Variants in PLCG2 observed in about 807,000 individuals in gnomAD.
PLCG2 encodes the protein phospholipase C gamma 2.
A neutral mutation model predicts 175.6 loss-of-function variants in PLCG2; 69 were observed. That is an observed-to-expected ratio of 0.39 (90% CI 0.32 to 0.48). The LOEUF (loss-of-function observed/expected upper bound fraction) is 0.48, where lower values mean the gene tolerates loss of function less well. Ranked by LOEUF, PLCG2 falls within the 20% of genes least tolerant of loss-of-function variation. The pLI is 0.91. For missense variants in PLCG2, 1,798 were observed against 1,650.9 expected (o/e 1.09, Z -1.54); for synonymous variants, 827 against 624.0 (o/e 1.33, Z -4.85).
rs146806571 is a variant in PLCG2, at chr16:81,806,615, C to T, written c.193+20433C>T. On this transcript the variant is annotated intron_variant, in intron 2 of 32. Coordinates refer to ENST00000564138, the MANE Select transcript of PLCG2 (RefSeq NM_002661.5). ...ACATGATCATAGGATAGCCTGCAGA[C>T]ATGTGATTCGTGTCTTGTAAGTTGT... 8.3e-4 allele frequency among the ~76,000 whole-genome samples: 126 copies of T among 152,008 alleles called. 1 individual carries two copies. The highest frequency in any genetic ancestry group is 2.8e-3 in the African/African-American group (117 of 41,452).
At chr16:81,884,656 A>G (rs988144074) in intron 9 of PLCG2, among the ~76,000 whole-genome samples, 2 of 150,982 alleles carry the variant, frequency 1.3e-5, no homozygotes, top group East Asian at 1.9e-4. Flanking sequence ...TAAATCTCAA[A>G]TTTTTGTTTA....
At chr16:81,763,688 C>G (rs746253808) in intron 2 of PLCG2, among the ~76,000 whole-genome samples, 1 of 152,138 alleles carries the variant, frequency 6.6e-6, no homozygotes, top group East Asian at 1.9e-4. Flanking sequence ...CAAAGGGGGC[C>G]GGGTGTGGTG....
At position 81,946,377 on chromosome 16, in the gene PLCG2, C is replaced by G. The variant is rs965664465; in HGVS notation, c.3570+114C>G. On this transcript the variant is annotated intron_variant, in intron 31 of 32. Coordinates refer to ENST00000564138, the MANE Select transcript of PLCG2 (RefSeq NM_002661.5). Reference sequence around the variant, plus strand: ...CTTAAGCCCATTCAGAATTGTCTAGCCCAAGCATGAGACATCATACAAGAA... The same window carrying G: ...CTTAAGCCCATTCAGAATTGTCTAGGCCAAGCATGAGACATCATACAAGAA... 2.8e-5 allele frequency: 21 copies of G among 755,930 alleles called. No individual in the cohort carries two copies. The Admixed American group carries it at 4.0e-4, about 14-fold the overall frequency. 46.8% of individuals were successfully genotyped at this position (755,930 alleles called of 1,614,324 possible).
chr16:81,766,057 C>T (rs180956452), intron 2 of PLCG2, among the ~76,000 whole-genome samples: 60 of 152,274 alleles, frequency 3.9e-4, no homozygotes, highest in African/African-American at 1.4e-3. Flanking sequence ...TTAGCCTTCC[C>T]AGGTGTGTCC....
intron 2 of PLCG2, among the ~76,000 whole-genome samples, chr16:81,806,218 C>T (rs1273044674): frequency 6.6e-6 from 1 of 151,934 alleles, no homozygotes; most frequent in South Asian, 2.1e-4. Context: ...TATTGGATAG[C>T]ACAGATCTAG....
intron 2 of PLCG2, among the ~76,000 whole-genome samples, chr16:81,796,982 C>T (rs1177351664): frequency 2.0e-5 from 3 of 152,218 alleles, no homozygotes; most frequent in African/African-American, 7.2e-5. Flanking sequence ...CATTCAGCCA[C>T]TGATACTATG....
chr16:81,882,683 G>A (rs549798459), intron 8 of PLCG2, among the ~76,000 whole-genome samples: 3 of 151,126 alleles, frequency 2.0e-5, no homozygotes, highest in South Asian at 4.2e-4. Context: ...CCTCGAGGCC[G>A]CTGCTTCTCT....
chr16:81,849,938 C>G (rs769177206), intron 2 of PLCG2, among the ~76,000 whole-genome samples: 16 of 152,176 alleles, frequency 1.1e-4, no homozygotes, highest in Non-Finnish European at 2.1e-4. Flanking sequence ...CTTTGGAAAA[C>G]AAACCTTAAT....
chr16:81,910,531 G>T lies in PLCG2; in HGVS notation c.1745G>T (p.Arg582Leu). The change falls in exon 18 of 33, where the codon CGG becomes CTG. Residue 582 changes from arginine (R) to leucine (L), a missense_variant. Transcript: ENST00000564138. ...DYTLSFWRSG[R>L]VQHCRIRSTM... Reference sequence around the variant, plus strand: ...TCCTCTCCCCGCAGGCGGTCAGGCCGGGTCCAGCACTGCCGGATCCGCTCC... The same window carrying T: ...TCCTCTCCCCGCAGGCGGTCAGGCCTGGTCCAGCACTGCCGGATCCGCTCC... 6.2e-7 allele frequency: 1 copy of T among 1,613,964 alleles called. No homozygotes were observed. The highest frequency in any genetic ancestry group is 2.2e-5 in the East Asian group (1 of 44,880).
At chr16:81,813,599 C>G (rs1305136080) in intron 2 of PLCG2, among the ~76,000 whole-genome samples, 2 of 152,170 alleles carry the variant, frequency 1.3e-5, no homozygotes, top group African/African-American at 4.8e-5. Flanking sequence ...GAGCTTAAAA[C>G]AACAATTCTG....
At chr16:81,890,620 T>C (rs1390757249) in intron 10 of PLCG2, among the ~76,000 whole-genome samples, 3 of 152,170 alleles carry the variant, frequency 2.0e-5, no homozygotes, top group African/African-American at 4.8e-5. Flanking sequence ...GGGTGCTTGC[T>C]GGTCAGAATG....
chr16:81,812,043 CTTTTTTTTTTTTT>C (rs539108021), intron 2 of PLCG2, among the ~76,000 whole-genome samples: 2 of 90,330 alleles, frequency 2.2e-5, no homozygotes, highest in Non-Finnish European at 4.2e-5. Flanking sequence ...TGTTTCCTGA[CTTTTTTTTTTTTT>C]TTTTTTTTTT....
In PLCG2 at chr16:81,870,933, T is replaced by C. The variant is rs2143532778; in HGVS notation, c.646T>C (p.Ser216Pro). 6.5e-7 allele frequency: 1 copy of C among 1,538,982 alleles called. No homozygotes were observed. Among genetic ancestry groups the C allele is most frequent in the East Asian group, 2.3e-5 (1 of 44,032 alleles). Reference sequence around the variant, plus strand: ...AAAACTTATGTTTGAACAGCAAAAATCGGTAAGATGATTCTTGAGCAAGTG... The same window carrying C: ...AAAACTTATGTTTGAACAGCAAAAACCGGTAAGATGATTCTTGAGCAAGTG... ...YKKLMFEQQK[S>P]ILDEFKKDSS... Residue 216 changes from serine to proline, a missense_variant and splice_region_variant, in exon 7 of 33, where the codon TCG becomes CCG. Coordinates refer to ENST00000564138, the MANE Select transcript of PLCG2 (RefSeq NM_002661.5).
chr16:81,942,569 G>C, intron 30 of PLCG2, among the ~76,000 whole-genome samples: 1 of 152,156 alleles, frequency 6.6e-6, no homozygotes, highest in Admixed American at 6.5e-5. Flanking sequence ...AAACCAGTTG[G>C]AGCGCAGGAA....
chr16:81,837,890 A>C (rs183037721), intron 2 of PLCG2, among the ~76,000 whole-genome samples: 15 of 152,204 alleles, frequency 9.9e-5, no homozygotes, highest in African/African-American at 3.4e-4. Flanking sequence ...ACATTCATAG[A>C]ACCCACTACC....
chr16:81,837,930 T>C (rs1905611064), intron 2 of PLCG2, among the ~76,000 whole-genome samples: 1 of 152,194 alleles, frequency 6.6e-6, no homozygotes, highest in South Asian at 2.1e-4. Flanking sequence ...CCCATTTTCC[T>C]TGTACTTGTG....
intron 14 of PLCG2, among the ~76,000 whole-genome samples, chr16:81,902,499 T>C (rs1358821638): frequency 2.6e-5 from 4 of 152,162 alleles, no homozygotes; most frequent in Non-Finnish European, 5.9e-5. Context: ...TATTTATTTA[T>C]TTATAAATAA....
chr16:81,897,676 G>C (rs566186535), intron 13 of PLCG2, among the ~76,000 whole-genome samples: 1 of 151,658 alleles, frequency 6.6e-6, no homozygotes, highest in South Asian at 2.1e-4. Context: ...CTCCCGAGTA[G>C]CTGGGATTAT....
At chr16:81,933,938 G>T (rs961572287) in intron 25 of PLCG2, among the ~76,000 whole-genome samples, 7 of 152,218 alleles carry the variant, frequency 4.6e-5, no homozygotes, top group African/African-American at 1.7e-4. Flanking sequence ...ACTGGGTAGT[G>T]GTCCCCTTGG....
Sources: allele counts gnomAD v4.1 joint callset (sites outside exome capture counted in the v4.1 genomes callset), GRCh38; gene constraint gnomAD v4.1.1; transcripts MANE v1.5; gene names NCBI Gene and HGNC (gene_info 2026-07-23, HGNC 2026-07-21).